OR10H5: variants seen among roughly 807,000 people sequenced by gnomAD.
The protein encoded by OR10H5 is olfactory receptor family 10 subfamily H member 5, also known as olfactory receptor 10H5.
A neutral mutation model predicts 12.2 loss-of-function variants in OR10H5; 7 were observed. The ratio of observed to expected loss-of-function variants is 0.57; its 90% CI spans 0.33 to 1.07. The LOEUF is 1.07. Ranked by LOEUF, OR10H5 falls within the 50% of genes least tolerant of loss-of-function variation. OR10H5 has a pLI of 0.04. For missense variants in OR10H5, 346 were observed against 411.6 expected (o/e 0.84, Z 1.38); for synonymous variants, 159 against 175.1 (o/e 0.91, Z 0.73).
chr19:15,788,407 C>A (rs561970762), intron 1 of OR10H5, among the ~76,000 whole-genome samples: 2 of 152,148 alleles, frequency 1.3e-5, no homozygotes, highest in South Asian at 2.1e-4. Flanking sequence ...CTTCACGCGA[C>A]CTTTTCCTCT....
chr19:15,795,253 TTC>T lies in OR10H5; in HGVS notation c.*263_*264del. On this transcript the variant is annotated 3_prime_UTR_variant, in exon 2 of 2. Transcript: ENST00000642092. The stretch of plus-strand genomic sequence containing the variant: ...TTCTCTGCCTACTTCCCTCTTTCCC[TTC>T]TCTCTGTCTCTTTCTGTTTCTATAC... 4.1e-6 allele frequency: 2 copies of T among 483,674 alleles called. No homozygotes were observed. Among genetic ancestry groups the T allele is most frequent in the Non-Finnish European group, 7.3e-6 (2 of 273,388 alleles). The allele number at this position is 483,674 out of a possible 1,614,324, so 30.0% of individuals were successfully genotyped here.
At chr19:15,793,878 C>CA (rs2088821018) in intron 1 of OR10H5, 160 bp from the exon 2 acceptor site, 1 of 676,104 alleles carries the variant, frequency 1.5e-6, no homozygotes, top group Non-Finnish European at 2.5e-6. Flanking sequence ...GACCCCATCT[C>CA]AAAAACTAAA....
chr19:15,794,009 G>A (rs2144928565), intron 1 of OR10H5, 29 bp from the exon 2 acceptor site: 3 of 1,573,238 alleles, frequency 1.9e-6, no homozygotes, highest in South Asian at 1.2e-5. Context: ...CCTAACCACT[G>A]GGTCTTCTTT....
At chr19:15,788,959 G>A (rs1036864111) in intron 1 of OR10H5, among the ~76,000 whole-genome samples, 2 of 152,128 alleles carry the variant, frequency 1.3e-5, no homozygotes, top group Non-Finnish European at 2.9e-5. Context: ...GTGCTTTGCT[G>A]CACCTATCAA....
At chr19:15,790,192 C>T (rs985155330) in intron 1 of OR10H5, among the ~76,000 whole-genome samples, 9 of 151,886 alleles carry the variant, frequency 5.9e-5, no homozygotes, top group East Asian at 1.9e-4. Context: ...GGAGGGAGTG[C>T]TGGAGGGTAG....
At position 15,796,182 on chromosome 19, in the gene OR10H5, G is replaced by T. The variant is rs1439274687; in HGVS notation, c.*1186G>T. 3.3e-5 allele frequency: 5 copies of T among 152,218 alleles called. No homozygotes were observed. Among genetic ancestry groups the T allele is most frequent in the African/African-American group, 1.2e-4 (5 of 41,448 alleles). The allele number at this position is 152,218 out of a possible 1,614,324, so 9.4% of individuals were successfully genotyped here. On this transcript the variant is annotated 3_prime_UTR_variant, in exon 2 of 2. Coordinates refer to ENST00000642092, the MANE Select transcript of OR10H5 (RefSeq NM_001004466.2). ...AGAATTGAACCTATTCTTTAAATTAGAGCTGGGGATAAGAAGTACACATTT... is the reference window on the plus strand; with the variant it reads ...AGAATTGAACCTATTCTTTAAATTATAGCTGGGGATAAGAAGTACACATTT...
rs2088858515 is a variant in OR10H5, at chr19:15,799,708, T to TG, written c.*4713dup. 6.8e-6 allele frequency: 1 copy of TG among 146,664 alleles called. No homozygotes were observed. The highest frequency in any genetic ancestry group is 1.5e-5 in the Non-Finnish European group (1 of 66,326). The allele number at this position is 146,664 out of a possible 1,614,324, so 9.1% of individuals were successfully genotyped here. On this transcript the variant is annotated 3_prime_UTR_variant, in exon 2 of 2. Coordinates refer to ENST00000642092, the MANE Select transcript of OR10H5 (RefSeq NM_001004466.2). ...TTCATTGAATGTCTTTTTTTTTTTT[T>TG]GAGAGAGAGAGAGAGAGAGAAATAA...
intron 1 of OR10H5, among the ~76,000 whole-genome samples, chr19:15,790,429 G>A (rs938030895): frequency 3.9e-5 from 6 of 152,204 alleles, no homozygotes; most frequent in African/African-American, 1.4e-4. Flanking sequence ...CCCAGGGCAG[G>A]TCTCTGGTTA....
In OR10H5 at chr19:15,800,274, A is replaced by G. The variant is rs940528902; in HGVS notation, c.*5278A>G. 2 of 152,080 alleles carry G rather than the reference A, an allele frequency of 1.3e-5. No individual in the cohort carries two copies. The highest frequency in any genetic ancestry group is 3.9e-4 in the East Asian group (2 of 5,190). The allele number at this position is 152,080 out of a possible 1,614,324, so 9.4% of individuals were successfully genotyped here. The stretch of plus-strand genomic sequence containing the variant: ...ACATTGAGATCGGGATGTCTTATCT[A>G]ATTGGTTCAACCCTGTCTTCCCAGT... On this transcript the variant is annotated 3_prime_UTR_variant, in exon 2 of 2. Coordinates refer to ENST00000642092, the MANE Select transcript of OR10H5 (RefSeq NM_001004466.2).
intron 1 of OR10H5, among the ~76,000 whole-genome samples, chr19:15,787,995 C>G (rs1040480997): frequency 6.6e-6 from 1 of 152,104 alleles, no homozygotes; most frequent in Non-Finnish European, 1.5e-5. Flanking sequence ...GTCGTGGCCA[C>G]CAGGGTCCAT....
chr19:15,800,349 T>A lies in OR10H5; in HGVS notation c.*5353T>A, dbSNP rs905899294. 5.3e-5 allele frequency: 8 copies of A among 152,302 alleles called. No homozygotes were observed. Among genetic ancestry groups the A allele is most frequent in the Non-Finnish European group, 7.3e-5 (5 of 68,128 alleles). The allele number at this position is 152,302 out of a possible 1,614,324, so 9.4% of individuals were successfully genotyped here. ...ACAGTAGGTGCTCAATAAATGCTTT[T>A]TGAGTGAATACAGCAGGGTTTGTCA... On this transcript the variant is annotated 3_prime_UTR_variant, in exon 2 of 2. Coordinates refer to ENST00000642092, the MANE Select transcript of OR10H5 (RefSeq NM_001004466.2).
rs771860075 is a variant in OR10H5, at chr19:15,794,576, T to C, written c.528T>C (p.His176=). The change falls in exon 2 of 2, where the codon CAT becomes CAC. Residue 176 remains histidine (H), a synonymous_variant. Transcript: ENST00000642092. The part of the protein sequence containing the change: ...LAFCGHKEIH[H]FFCHVPPLLK... ...TCTGTGGACACAAGGAGATCCACCA[T>C]TTCTTCTGCCACGTGCCACCTCTGT... is the stretch of plus-strand genomic sequence containing the variant. The C allele has an allele frequency of 6.2e-7, 1 of 1,614,222 alleles. No homozygotes were observed. The highest frequency in any genetic ancestry group is 8.5e-7 in the Non-Finnish European group (1 of 1,180,042).
intron 1 of OR10H5, among the ~76,000 whole-genome samples, chr19:15,790,125 G>T (rs562931962): frequency 2.6e-5 from 4 of 152,214 alleles, no homozygotes; most frequent in African/African-American, 7.2e-5. Context: ...GCATTTAGGA[G>T]CAGGGACCTT....
rs1453271701 is a variant in OR10H5 at position 15,795,485 on chromosome 19, C to G, written c.*489C>G. ...GGATTACAGGCACACACCACCATGC[C>G]TGGCTAATTTTTGTATTTGTAGTAG... On this transcript the variant is annotated 3_prime_UTR_variant, in exon 2 of 2. Transcript: ENST00000642092. 2 of 160,546 alleles carry G rather than the reference C, an allele frequency of 1.2e-5. No homozygotes were observed. The highest frequency in any genetic ancestry group is 2.7e-5 in the Non-Finnish European group (2 of 73,318). The allele number at this position is 160,546 out of a possible 1,614,324, so 9.9% of individuals were successfully genotyped here. A position where few individuals can be genotyped will look rare whatever the true frequency, so the allele number is the denominator to read the frequency against.
chr19:15,795,073 C>T lies in OR10H5; in HGVS notation c.*77C>T, dbSNP rs2088833000. On this transcript the variant is annotated 3_prime_UTR_variant, in exon 2 of 2. Coordinates refer to ENST00000642092, the MANE Select transcript of OR10H5 (RefSeq NM_001004466.2). ...CCTCCTTTATTTCTTTTCCTTTCCT[C>T]CCTCCCTCCTTTCCTCCCTCCCTCC... The T allele has an allele frequency of 2.4e-6, 3 of 1,253,374 alleles. No individual in the cohort carries two copies. Among genetic ancestry groups the T allele is most frequent in the Admixed American group, 2.3e-5 (1 of 43,218 alleles). 77.6% of individuals were successfully genotyped at this position (1,253,374 alleles called of 1,614,324 possible).
Position 15,795,284 on chromosome 19 carries a change from T to C in OR10H5, c.*288T>C. The C allele has an allele frequency of 5.0e-6, 2 of 403,564 alleles. No homozygotes were observed. Among genetic ancestry groups the C allele is most frequent in the Admixed American group, 4.2e-5 (1 of 23,602 alleles). The allele number at this position is 403,564 out of a possible 1,614,324, so 25.0% of individuals were successfully genotyped here. ...CTGTCTCTTTCTGTTTCTATACCTC[T>C]CTGTCTCTGTCACTCTCTTTCTCCC... On this transcript the variant is annotated 3_prime_UTR_variant, in exon 2 of 2. Coordinates refer to ENST00000642092, the MANE Select transcript of OR10H5 (RefSeq NM_001004466.2).
intron 1 of OR10H5, among the ~76,000 whole-genome samples, chr19:15,791,597 T>C (rs2144926800): frequency 6.6e-6 from 1 of 152,280 alleles, no homozygotes; most frequent in Admixed American, 6.5e-5. Flanking sequence ...TTCCCATTTA[T>C]CATCATGTCT....
Position 15,794,426 on chromosome 19 carries a change from C to G in OR10H5, c.378C>G (p.Ile126Met). Residue 126 changes from isoleucine to methionine, a missense_variant, in exon 2 of 2, where the codon ATC becomes ATG. By Grantham distance (10) the Ile-to-Met change is conservative (BLOSUM62 1). Coordinates refer to ENST00000642092, the MANE Select transcript of OR10H5 (RefSeq NM_001004466.2). Reference sequence around the variant, plus strand: ...TGGGCTACGACCGCTACGTGGCCATCTGCCACCCCCTGCGTTACAACGTGC... The same window carrying G: ...TGGGCTACGACCGCTACGTGGCCATGTGCCACCCCCTGCGTTACAACGTGC... ...TVMGYDRYVAICHPLRYNVLM... is the reference protein window; with the variant it reads ...TVMGYDRYVAMCHPLRYNVLM... 6.2e-7 allele frequency: 1 copy of G among 1,614,264 alleles called. No homozygotes were observed. Among genetic ancestry groups the G allele is most frequent in the Non-Finnish European group, 8.5e-7 (1 of 1,180,056 alleles).
chr19:15,798,922 A>G lies in OR10H5; in HGVS notation c.*3926A>G, dbSNP rs553204303. On this transcript the variant is annotated 3_prime_UTR_variant, in exon 2 of 2. Transcript: ENST00000642092. ...CAGGCACATGCCACCACACCCAACT[A>G]TTTTTTGTATTTTTAGTAGAGACGG... 1 of 151,590 alleles carries G rather than the reference A, an allele frequency of 6.6e-6. No individual in the cohort carries two copies. Among genetic ancestry groups the G allele is most frequent in the African/African-American group, 2.4e-5 (1 of 41,316 alleles). The allele number at this position is 151,590 out of a possible 1,614,324, so 9.4% of individuals were successfully genotyped here.
Sources: gnomAD v4.1 joint callset for allele counts (sites outside exome capture counted in the v4.1 genomes callset) on GRCh38, gnomAD v4.1.1 for gene constraint, MANE v1.5 for transcripts, NCBI Gene and HGNC (gene_info 2026-07-23, HGNC 2026-07-21) for gene names.